FBXO34: variants seen among roughly 807,000 people sequenced by gnomAD.
The protein encoded by FBXO34 is F-box protein 34.
Under a neutral mutation model 24.5 loss-of-function variants are expected in FBXO34, and 12 were observed. That is an observed-to-expected ratio of 0.49 (90% CI 0.31 to 0.79). The LOEUF (loss-of-function observed/expected upper bound fraction) is 0.79. Ranked by LOEUF, FBXO34 falls within the 30% of genes least tolerant of loss-of-function variation. FBXO34 has a pLI of 0.04. For missense variants in FBXO34, 823 were observed against 857.7 expected (o/e 0.96, Z 0.51); for synonymous variants, 320 against 311.9 (o/e 1.03, Z -0.27).
the FBXO34 span, among the ~76,000 whole-genome samples, chr14:55,432,817 G>C: frequency 6.6e-6 from 1 of 152,192 alleles, no homozygotes; most frequent in Non-Finnish European, 1.5e-5. Context: ...CCACTACAGA[G>C]TTATGGTGAA....
rs759231731 is a variant in FBXO34 at position 55,351,408 on chromosome 14, G to A, written c.1018G>A (p.Val340Met). 3.7e-6 allele frequency: 6 copies of A among 1,614,206 alleles called. No homozygotes were observed. Among genetic ancestry groups the A allele is most frequent in the Non-Finnish European group, 5.1e-6 (6 of 1,180,036 alleles). The change falls in exon 2 of 2, where the codon GTG (valine) becomes ATG (methionine). Residue 340 changes from valine (V) to methionine (M), a missense_variant. Val to Met is a conservative substitution (Grantham distance 21, BLOSUM62 1). Coordinates refer to ENST00000313833, the MANE Select transcript of FBXO34 (RefSeq NM_017943.4). ...CGTCTTGGAGGCACCTGACACTCAGGTGAATCCTGTGGGGTCTGTATCTGT... is the reference window on the plus strand; with the variant it reads ...CGTCTTGGAGGCACCTGACACTCAGATGAATCCTGTGGGGTCTGTATCTGT... ...KGVLEAPDTQ[V>M]NPVGSVSVDC...
chr14:55,426,578 G>A, the FBXO34 span, among the ~76,000 whole-genome samples: 13 of 152,122 alleles, frequency 8.5e-5, no homozygotes, highest in African/African-American at 3.1e-4. Context: ...AATGTTCCCA[G>A]TGTCAAGAAT....
At chr14:55,411,553 T>A in the FBXO34 span, 1 of 1,544,204 alleles carries the variant, frequency 6.5e-7, no homozygotes, top group Non-Finnish European at 8.8e-7. Context: ...GCTGCCTGGC[T>A]GGAGGACACA....
chr14:55,310,008 A>C (rs1454102585), intron 1 of FBXO34, among the ~76,000 whole-genome samples: 1 of 151,216 alleles, frequency 6.6e-6, no homozygotes, highest in Non-Finnish European at 1.5e-5. Context: ...ACTTAGTCAC[A>C]GGCAGAATTG....
At chr14:55,378,162 C>A in the FBXO34 span, 1 of 1,086,996 alleles carries the variant, frequency 9.2e-7, no homozygotes, top group Non-Finnish European at 1.4e-6. Context: ...TTAGGTATAA[C>A]ACATACTCTG....
chr14:55,363,596 T>C (rs2140105811), downstream of FBXO34, among the ~76,000 whole-genome samples: 1 of 152,292 alleles, frequency 6.6e-6, no homozygotes, highest in East Asian at 1.9e-4. Context: ...CCCAAAGTGC[T>C]GGGATCACAG....
At chr14:55,440,835 G>A in the FBXO34 span, among the ~76,000 whole-genome samples, 1 of 151,986 alleles carries the variant, frequency 6.6e-6, no homozygotes. Context: ...CGGTGCAAGT[G>A]CATGGAAAGT....
chr14:55,398,930 G>C, the FBXO34 span, among the ~76,000 whole-genome samples: 1 of 152,114 alleles, frequency 6.6e-6, no homozygotes, highest in Admixed American at 6.6e-5. Flanking sequence ...ATTTTCAAGG[G>C]AACAGGGATA....
At chr14:55,277,464 G>A (rs1366442864) in intron 1 of FBXO34, among the ~76,000 whole-genome samples, 1 of 152,094 alleles carries the variant, frequency 6.6e-6, no homozygotes, top group Non-Finnish European at 1.5e-5. Flanking sequence ...GGGTCTACAG[G>A]TGTGTGCCAC....
At chr14:55,423,922 TA>T in the FBXO34 span, among the ~76,000 whole-genome samples, 1 of 152,222 alleles carries the variant, frequency 6.6e-6, no homozygotes, top group South Asian at 2.1e-4. Flanking sequence ...GATAATTCTG[TA>T]AAAAAATCAG....
At chr14:55,399,022 C>T in the FBXO34 span, among the ~76,000 whole-genome samples, 4 of 152,182 alleles carry the variant, frequency 2.6e-5, no homozygotes, top group African/African-American at 9.7e-5. Context: ...AACAATTCAA[C>T]AGGCCATAAC....
chr14:55,296,056 G>A (rs1882109940), intron 1 of FBXO34, among the ~76,000 whole-genome samples: 1 of 152,158 alleles, frequency 6.6e-6, no homozygotes, highest in African/African-American at 2.4e-5. Context: ...GTGAGGCTGA[G>A]GTTGGGAGGA....
At chr14:55,293,182 G>A (rs1046628607) in intron 1 of FBXO34, among the ~76,000 whole-genome samples, 3 of 151,728 alleles carry the variant, frequency 2.0e-5, no homozygotes, top group Non-Finnish European at 4.4e-5. Context: ...CCCGCACCCG[G>A]CCTTGTTTTT....
the FBXO34 span, chr14:55,386,175 G>T: frequency 8.1e-7 from 1 of 1,229,458 alleles, no homozygotes; most frequent in Non-Finnish European, 1.1e-6. Flanking sequence ...CCACAAACAT[G>T]CGTGTTTTCC....
intron 1 of FBXO34, among the ~76,000 whole-genome samples, chr14:55,332,032 G>A (rs1212238299): frequency 7.6e-6 from 1 of 132,236 alleles, no homozygotes; most frequent in Admixed American, 7.7e-5. Flanking sequence ...ATACCACCGT[G>A]GTGGTATATA....
In FBXO34 at chr14:55,352,651, A is replaced by G. The variant is rs1047822783; in HGVS notation, c.*125A>G. 1.3e-6 allele frequency: 1 copy of G among 790,524 alleles called. No individual in the cohort carries two copies. Among genetic ancestry groups the G allele is most frequent in the Non-Finnish European group, 1.9e-6 (1 of 516,730 alleles). 49.0% of individuals were successfully genotyped at this position (790,524 alleles called of 1,614,324 possible). On this transcript the variant is annotated 3_prime_UTR_variant, in exon 2 of 2. Transcript: ENST00000313833. ...AGAATCTGTACATCATCAGGACTGCATTGCTCAGGCATTTTCTAAACTCTA... is the reference window on the plus strand; with the variant it reads ...AGAATCTGTACATCATCAGGACTGCGTTGCTCAGGCATTTTCTAAACTCTA...
At chr14:55,406,220 A>G in the FBXO34 span, among the ~76,000 whole-genome samples, 4 of 152,130 alleles carry the variant, frequency 2.6e-5, no homozygotes, top group African/African-American at 9.6e-5. Flanking sequence ...TAGTCTGTTA[A>G]TGAAACCTGA....
At chr14:55,283,942 CTATGTGTG>C (rs1409410712) in intron 1 of FBXO34, among the ~76,000 whole-genome samples, 5 of 130,798 alleles carry the variant, frequency 3.8e-5, no homozygotes, top group East Asian at 2.0e-4. Flanking sequence ...CATTCTAAGA[CTATGTGTG>C]TGTGTGTGTG....
At chr14:55,436,645 G>C in the FBXO34 span, 1 of 1,614,232 alleles carries the variant, frequency 6.2e-7, no homozygotes, top group Admixed American at 1.7e-5. Context: ...CAAGGAGTCG[G>C]AGTTTGGTTT....
Sources: gnomAD v4.1 joint callset for allele counts (sites outside exome capture counted in the v4.1 genomes callset) on GRCh38, gnomAD v4.1.1 for gene constraint, MANE v1.5 for transcripts, NCBI Gene and HGNC (gene_info 2026-07-23, HGNC 2026-07-21) for gene names.